The following FRMPD2 variants were observed in gnomAD, a reference collection of about 807,000 sequenced individuals.
FRMPD2 encodes FERM and PDZ domain-containing protein 2.
A neutral mutation model predicts 140.1 loss-of-function variants in FRMPD2; 96 were observed. The ratio of observed to expected loss-of-function variants is 0.69; its 90% CI spans 0.58 to 0.81. The LOEUF is 0.81. Ranked by LOEUF, FRMPD2 falls within the 40% of genes least tolerant of loss-of-function variation. The pLI is 0.00. For missense variants in FRMPD2, 1,240 were observed against 1,447.4 expected, an observed-to-expected ratio of 0.86 and a Z score of 2.32; for synonymous variants, 449 against 547.6, an observed-to-expected ratio of 0.82 and a Z score of 2.52.
intron 20 of FRMPD2, among the ~76,000 whole-genome samples, chr10:48,183,200 G>A (rs1191279666): frequency 2.6e-5 from 4 of 152,140 alleles, no homozygotes; most frequent in Non-Finnish European, 4.4e-5. Context: ...GGTGTGACAG[G>A]AAGTTCTCCT....
chr10:48,268,351 A>G (rs755700993), intron 1 of FRMPD2, among the ~76,000 whole-genome samples: 1 of 152,216 alleles, frequency 6.6e-6, no homozygotes, highest in Non-Finnish European at 1.5e-5. Context: ...GAAAAACTAA[A>G]CATACTCTTA....
chr10:48,236,131 T>C (rs768819986), intron 9 of FRMPD2, among the ~76,000 whole-genome samples: 4 of 152,104 alleles, frequency 2.6e-5, no homozygotes, highest in Non-Finnish European at 5.9e-5. Flanking sequence ...TGTCTGTCTT[T>C]GCCGCCTCCT....
At chr10:48,185,364 A>G (rs1395133411) in intron 18 of FRMPD2, among the ~76,000 whole-genome samples, 189 bp downstream of exon 18, 1 of 152,200 alleles carries the variant, frequency 6.6e-6, no homozygotes, top group Non-Finnish European at 1.5e-5. Flanking sequence ...AAAACTTGGA[A>G]ACAAAAGTCC....
chr10:48,198,138 A>G (rs1224360173), intron 15 of FRMPD2, among the ~76,000 whole-genome samples: 1 of 152,176 alleles, frequency 6.6e-6, no homozygotes, highest in African/African-American at 2.4e-5. Flanking sequence ...CAATAGTCTT[A>G]CTCTTAGTTA....
chr10:48,193,769 A>C (rs1838893308), intron 15 of FRMPD2, among the ~76,000 whole-genome samples: 1 of 152,172 alleles, frequency 6.6e-6, no homozygotes, highest in Non-Finnish European at 1.5e-5. Flanking sequence ...GTGTGTGTGC[A>C]CATGCACTTC....
At chr10:48,262,548 G>A (rs1011759241) in intron 1 of FRMPD2, among the ~76,000 whole-genome samples, 9 of 152,144 alleles carry the variant, frequency 5.9e-5, no homozygotes, top group Admixed American at 2.6e-4. Context: ...TATACCTGGA[G>A]ACTTCAGCAC....
Position 48,251,683 on chromosome 10 carries a change from G to C in FRMPD2, c.34C>G (p.Leu12Val). 6.2e-7 allele frequency: 1 copy of C among 1,614,212 alleles called. No individual in the cohort carries two copies. Among genetic ancestry groups the C allele is most frequent in the African/African-American group, 1.3e-5 (1 of 75,068 alleles). ...QPLTKDAGMS[L>V]SSVTLASALQ... The stretch of plus-strand genomic sequence containing the variant: ...GCGCTGGCCAGCGTCACAGAGGACA[G>C]GCTCATGCCTACAATAAAGACATGC... The change falls in exon 2 of 29, where the codon CTG becomes GTG. Residue 12 changes from leucine to valine, a missense_variant. By Grantham distance (32) the Leu-to-Val change is conservative. Around this residue, in one of 6 missense-constraint regions of FRMPD2, gnomAD observed 1,161 missense variants for 1,055.9 expected, o/e 1.10. Transcript: ENST00000374201.
At chr10:48,241,976 A>T in intron 5 of FRMPD2, 185 bp downstream of exon 5, 1 of 459,638 alleles carries the variant, frequency 2.2e-6, no homozygotes, top group Non-Finnish European at 3.9e-6. Context: ...AATGTTCTAG[A>T]TCCACCCTGT....
chr10:48,260,234 T>C (rs568432364), intron 1 of FRMPD2, among the ~76,000 whole-genome samples: 2 of 152,206 alleles, frequency 1.3e-5, no homozygotes, highest in East Asian at 3.9e-4. Flanking sequence ...TAGATATAGA[T>C]AGATATCTTA....
intron 12 of FRMPD2, among the ~76,000 whole-genome samples, chr10:48,212,552 A>C (rs1839353363): frequency 6.7e-6 from 1 of 150,066 alleles, no homozygotes; most frequent in South Asian, 2.1e-4. Context: ...GCATAGCAAA[A>C]CCCTGGCCCT....
intron 15 of FRMPD2, among the ~76,000 whole-genome samples, chr10:48,199,085 A>G (rs868307579): frequency 1.3e-5 from 2 of 152,218 alleles, no homozygotes; most frequent in Non-Finnish European, 2.9e-5. Flanking sequence ...ACTGTGGACT[A>G]CTAGAGGGTG....
intron 7 of FRMPD2, among the ~76,000 whole-genome samples, chr10:48,238,457 CT>C (rs1840022468): frequency 6.6e-6 from 1 of 152,118 alleles, no homozygotes; most frequent in Non-Finnish European, 1.5e-5. Flanking sequence ...GCAGTTCTGG[CT>C]TCTTTAGAAT....
upstream of FRMPD2, chr10:48,274,706 TAA>T: frequency 1.3e-6 from 1 of 753,640 alleles, no homozygotes; most frequent in Non-Finnish European, 2.3e-6. Context: ...TGCTTGTCAC[TAA>T]GCACTTGCTG....
intron 1 of FRMPD2, among the ~76,000 whole-genome samples, chr10:48,267,379 C>T (rs1003625188): frequency 6.6e-6 from 1 of 152,160 alleles, no homozygotes; most frequent in Admixed American, 6.5e-5. Context: ...ACATTAGAAA[C>T]ACTATGGGTG....
chr10:48,234,133 C>G (rs957788029), intron 9 of FRMPD2, among the ~76,000 whole-genome samples: 1 of 152,176 alleles, frequency 6.6e-6, no homozygotes, highest in Non-Finnish European at 1.5e-5. Flanking sequence ...CTTTTTCACC[C>G]TGCGTGGGGC....
At chr10:48,234,657 G>A (rs141108135) in intron 9 of FRMPD2, among the ~76,000 whole-genome samples, 490 of 152,256 alleles carry the variant, frequency 3.2e-3, no homozygotes, top group Non-Finnish European at 5.4e-3. Context: ...TGTTTCCCAG[G>A]TAAGGGACAG....
chr10:48,181,900 A>ACACACACACACACG (rs1209474259), intron 20 of FRMPD2, among the ~76,000 whole-genome samples: 5 of 85,106 alleles, frequency 5.9e-5, no homozygotes, highest in Non-Finnish European at 1.4e-4. Flanking sequence ...ACACACACAC[A>ACACACACACACACG]CACACACACA....
chr10:48,232,591 G>A (rs1481612014), intron 9 of FRMPD2, among the ~76,000 whole-genome samples: 4 of 152,108 alleles, frequency 2.6e-5, no homozygotes, highest in Non-Finnish European at 5.9e-5. Context: ...TTTCCCATGC[G>A]GAAATTCCAG....
intron 14 of FRMPD2, among the ~76,000 whole-genome samples, chr10:48,202,533 G>A (rs772345112): frequency 9.2e-5 from 14 of 152,286 alleles, no homozygotes; most frequent in South Asian, 2.1e-4. Context: ...GCCTCCTTGT[G>A]CTAATAGGAA....
Sources: allele counts gnomAD v4.1 joint callset (sites outside exome capture counted in the v4.1 genomes callset), GRCh38; gene constraint gnomAD v4.1.1; regional missense constraint gnomAD v4.1.1; transcripts MANE v1.5; gene names NCBI Gene and HGNC (gene_info 2026-07-23, HGNC 2026-07-21).